Variants in NEK3 observed in about 807,000 individuals in gnomAD.
The protein encoded by NEK3 is NIMA related kinase 3, also known as serine/threonine-protein kinase Nek3.
In NEK3, 54 loss-of-function variants were observed where a neutral mutation model predicts 66.0. The ratio of observed to expected loss-of-function variants is 0.82; its 90% confidence interval spans 0.66 to 1.03. The LOEUF is 1.03. Ranked by LOEUF, NEK3 falls within the 50% of genes least tolerant of loss-of-function variation. NEK3 has a pLI of 0.00. For missense variants in NEK3, 593 were observed against 603.0 expected (o/e 0.98, Z 0.17); for synonymous variants, 200 against 206.2 (o/e 0.97, Z 0.26).
chr13:52,151,852 T>G (rs1275070294), intron 5 of NEK3, among the ~76,000 whole-genome samples: 1 of 152,228 alleles, frequency 6.6e-6, no homozygotes, highest in African/African-American at 2.4e-5. Flanking sequence ...ATTTTTACTG[T>G]ACGTTTTCTA....
intron 10 of NEK3, 103 bp downstream of exon 10, chr13:52,143,812 T>G (rs542186069): frequency 2.2e-5 from 15 of 669,020 alleles, no homozygotes; most frequent in Middle Eastern, 3.9e-4. Context: ...GAGGAGTATC[T>G]CCGATAATCA....
At chr13:52,159,008 C>G (rs1956420627) in intron 1 of NEK3, among the ~76,000 whole-genome samples, 2 of 152,244 alleles carry the variant, frequency 1.3e-5, no homozygotes, top group East Asian at 1.9e-4. Flanking sequence ...GAAGCCGCCC[C>G]GAGTTTCAGA....
Position 52,135,782 on chromosome 13 carries a change from A to C in NEK3, c.1256T>G (p.Leu419Arg). 6.2e-7 allele frequency: 1 copy of C among 1,613,734 alleles called. No individual in the cohort carries two copies. Among genetic ancestry groups the C allele is most frequent in the Non-Finnish European group, 8.5e-7 (1 of 1,179,692 alleles). ...AGCCAAGCTGAGATCAGCATTCTTA[A>C]GGATGTTCAACAAAGTGTCAGGGGT... ...KETPDTLLNILKNADLSLAFQ... is the reference protein window; with the variant it reads ...KETPDTLLNIRKNADLSLAFQ... The change falls in exon 14 of 16, where the codon CTT (leucine) becomes CGT (arginine). Residue 419 changes from leucine (L) to arginine (R), a missense_variant. By Grantham distance (102) the Leu-to-Arg change is moderately radical. Coordinates refer to ENST00000610828, the MANE Select transcript of NEK3 (RefSeq NM_002498.3).
chr13:52,155,570 T>C (rs1468196560), intron 2 of NEK3, among the ~76,000 whole-genome samples: 1 of 152,250 alleles, frequency 6.6e-6, no homozygotes, highest in African/African-American at 2.4e-5. Context: ...CATTGTTAAT[T>C]ACAATATCCT....
intron 2 of NEK3, 70 bp from the exon 3 acceptor site, chr13:52,154,243 G>T: frequency 3.1e-6 from 3 of 964,646 alleles, no homozygotes; most frequent in Non-Finnish European, 4.6e-6. Context: ...ACAATAACAT[G>T]GTTTATATGA....
At position 52,153,305 on chromosome 13, in the gene NEK3, T is replaced by C. The variant is rs1436730429; in HGVS notation, c.309+590A>G. 2.0e-5 allele frequency among the ~76,000 whole-genome samples: 3 copies of C among 152,168 alleles called. No homozygotes were observed. The East Asian group carries it at 5.8e-4, about 29-fold the overall frequency. On this transcript the variant is annotated intron_variant, in intron 4 of 15. Transcript: ENST00000610828. ...AACCCACATTTTTAACAATATAGTT[T>C]CTAAATGAATAATATTTATTTACAT...
chr13:52,137,454 A>G (rs747493885), intron 11 of NEK3, among the ~76,000 whole-genome samples: 6 of 152,240 alleles, frequency 3.9e-5, no homozygotes, highest in Non-Finnish European at 8.8e-5. Context: ...TTGAATGCCT[A>G]AACAGTCCCA....
chr13:52,153,464 G>A (rs1956364145), intron 4 of NEK3, among the ~76,000 whole-genome samples: 1 of 152,040 alleles, frequency 6.6e-6, no homozygotes, highest in Non-Finnish European at 1.5e-5. Flanking sequence ...TTAGACTGAA[G>A]GGACCACTTC....
rs7995284 is a variant in NEK3, at chr13:52,135,877, G to A, written c.1175-14C>T. ...TTACAGAACCACCTAGTTGCAAAAA[G>A]ACAAAAATTAGTGCTGAATAAAAAA... On this transcript the variant is annotated splice_polypyrimidine_tract_variant and intron_variant, in intron 13 of 15. Transcript: ENST00000610828. The A allele has an allele frequency of 6.2e-7, 1 of 1,604,214 alleles. No homozygotes were observed.
rs756734809 is a variant in NEK3, at chr13:52,144,887, T to C, written c.608A>G (p.Gln203Arg). 3 of 1,593,436 alleles carry C rather than the reference T, an allele frequency of 1.9e-6. No individual in the cohort carries two copies. Among genetic ancestry groups the C allele is most frequent in the Non-Finnish European group, 2.6e-6 (3 of 1,169,044 alleles). ...YELCTLKHPF[Q>R]ANSWKNLILK... Reference sequence around the variant, plus strand: ...GATAAGATTTTTCCAACTATTTGCCTGAAACTGAAAAGGAAAATTGAACTT... The same window carrying C: ...GATAAGATTTTTCCAACTATTTGCCCGAAACTGAAAAGGAAAATTGAACTT... The change falls in exon 9 of 16, where the codon CAG (glutamine) becomes CGG (arginine). Residue 203 changes from glutamine to arginine, a missense_variant. By Grantham distance (43) the Gln-to-Arg change is conservative. Transcript: ENST00000610828.
intron 8 of NEK3, among the ~76,000 whole-genome samples, chr13:52,147,112 T>A (rs1024599778): frequency 2.1e-4 from 32 of 152,188 alleles, no homozygotes; most frequent in African/African-American, 6.5e-4. Context: ...TAGGGCAAAG[T>A]CTATGTTTTC....
At chr13:52,158,035 G>T (rs1389163068) in intron 1 of NEK3, among the ~76,000 whole-genome samples, 1 of 152,222 alleles carries the variant, frequency 6.6e-6, no homozygotes, top group Non-Finnish European at 1.5e-5. Flanking sequence ...GCGCCACCAC[G>T]CCCGGCTAAT....
chr13:52,137,925 C>T (rs1179178740), intron 11 of NEK3, among the ~76,000 whole-genome samples: 1 of 152,178 alleles, frequency 6.6e-6, no homozygotes, highest in Non-Finnish European at 1.5e-5. Flanking sequence ...TTTCATTTTG[C>T]GAACACATAT....
chr13:52,148,065 T>C (rs1956308972), intron 8 of NEK3: 1 of 176,536 alleles, frequency 5.7e-6, no homozygotes, highest in East Asian at 1.4e-4. Flanking sequence ...CACAATATTT[T>C]GAATGTAATT....
intron 5 of NEK3, 127 bp from the exon 6 acceptor site, chr13:52,151,519 G>A (rs1254518997): frequency 2.5e-6 from 2 of 786,950 alleles, no homozygotes; most frequent in Admixed American, 4.8e-5. Flanking sequence ...GTCCCAGAGT[G>A]GAACACAAAA....
In NEK3 at chr13:52,144,868, A is replaced by AT; in HGVS notation, c.626dup (p.Asn209LysfsTer21). ...ACCCTTGACATACTTTGAGGATAAG[A>AT]TTTTTCCAACTATTTGCCTGAAACT... On this transcript the variant is annotated frameshift_variant, in exon 9 of 16. Coordinates refer to ENST00000610828, the MANE Select transcript of NEK3 (RefSeq NM_002498.3). LOFTEE classifies it high-confidence loss of function. 1.2e-6 allele frequency: 2 copies of AT among 1,607,194 alleles called. No individual in the cohort carries two copies. Among genetic ancestry groups the AT allele is most frequent in the Non-Finnish European group, 1.7e-6 (2 of 1,176,502 alleles).
chr13:52,144,709 C>G lies in NEK3; in HGVS notation c.786G>C (p.Gln262His). 1 of 1,613,864 alleles carries G rather than the reference C, an allele frequency of 6.2e-7. No individual in the cohort carries two copies. Among genetic ancestry groups the G allele is most frequent in the Non-Finnish European group, 8.5e-7 (1 of 1,179,850 alleles). Residue 262 changes from glutamine (Q) to histidine (H), a missense_variant, in exon 9 of 16, where the codon CAG becomes CAC. Gln to His is a conservative substitution (Grantham distance 24). Coordinates refer to ENST00000610828, the MANE Select transcript of NEK3 (RefSeq NM_002498.3). ...ATCATACCTCGGGGGGTAAGCACTTCTGGACAAGCCGAGCTACGATGCCTC... is the reference window on the plus strand; with the variant it reads ...ATCATACCTCGGGGGGTAAGCACTTGTGGACAAGCCGAGCTACGATGCCTC... ...LSRGIVARLV[Q>H]KCLPPEIIME...
chr13:52,136,916 T>G lies in NEK3; in HGVS notation c.928-14A>C. 1 of 1,495,432 alleles carries G rather than the reference T, an allele frequency of 6.7e-7. No individual in the cohort carries two copies. The highest frequency in any genetic ancestry group is 9.0e-7 in the Non-Finnish European group (1 of 1,107,700). 92.6% of individuals were successfully genotyped at this position (1,495,432 alleles called of 1,614,324 possible). On this transcript the variant is annotated splice_polypyrimidine_tract_variant and intron_variant, in intron 11 of 15. Transcript: ENST00000610828. ...TTCTTCCTCTTGCTTTAAAAGAGAT[T>G]AACAATACAGATTAAATAATGCTTG...
chr13:52,139,085 T>C (rs1470984193), intron 11 of NEK3, among the ~76,000 whole-genome samples: 1 of 152,256 alleles, frequency 6.6e-6, no homozygotes, highest in Non-Finnish European at 1.5e-5. Context: ...AATGTCACAG[T>C]TGCCCAGGGC....
Sources: allele counts gnomAD v4.1 joint callset (sites outside exome capture counted in the v4.1 genomes callset), GRCh38; gene constraint gnomAD v4.1.1; transcripts MANE v1.5; gene names NCBI Gene and HGNC (gene_info 2026-07-23, HGNC 2026-07-21).